Variants in EYS observed in about 807,000 individuals in gnomAD.
The protein encoded by EYS is EGF-like photoreceptor maintenance factor.
EYS carries 250 observed loss-of-function variants against 282.1 expected under a neutral mutation model. The ratio of observed to expected loss-of-function variants is 0.89; its 90% confidence interval spans 0.80 to 0.98. The LOEUF is 0.98. EYS is among the 50% of genes least tolerant of loss of function. The probability of loss-of-function intolerance (pLI) is 0.00; values close to 1 mark genes in which losing one functional copy is unlikely to be tolerated. For synonymous variants in EYS, 1,355 were observed against 1,282.9 expected (o/e 1.06, Z -1.20); for missense variants, 4,016 against 3,709.0 (o/e 1.08, Z -2.15).
intron 33 of EYS, among the ~76,000 whole-genome samples, chr6:64,043,460 C>T (rs1312815341): frequency 2.0e-5 from 3 of 152,254 alleles, no homozygotes; most frequent in African/African-American, 7.2e-5. Flanking sequence ...CTTGATCACT[C>T]TTCAGCCACT....
At chr6:65,219,915 G>A (rs1766416728) in intron 12 of EYS, among the ~76,000 whole-genome samples, 1 of 152,106 alleles carries the variant, frequency 6.6e-6, no homozygotes, top group East Asian at 1.9e-4. Context: ...GGGGAAAACT[G>A]CCCCCATGAT....
At chr6:63,868,491 A>G (rs1772722876) in intron 35 of EYS, among the ~76,000 whole-genome samples, 1 of 152,196 alleles carries the variant, frequency 6.6e-6, no homozygotes, top group South Asian at 2.1e-4. Context: ...CTAACAGATC[A>G]TTAGCCGATT....
intron 30 of EYS, among the ~76,000 whole-genome samples, chr6:64,275,556 A>G (rs976444512): frequency 6.7e-5 from 10 of 149,530 alleles, no homozygotes; most frequent in African/African-American, 2.2e-4. Flanking sequence ...AGTTGGGACT[A>G]TGTGCGCCTG....
At chr6:65,612,780 A>C (rs1478937739) in intron 2 of EYS, among the ~76,000 whole-genome samples, 1 of 151,362 alleles carries the variant, frequency 6.6e-6, no homozygotes, top group Non-Finnish European at 1.5e-5. Flanking sequence ...TTAAAAAAGC[A>C]AGTGATTAAA....
chr6:65,650,607 G>A (rs566390060), intron 1 of EYS, among the ~76,000 whole-genome samples: 5 of 152,202 alleles, frequency 3.3e-5, no homozygotes, highest in East Asian at 1.9e-4. Flanking sequence ...AGGCAAAAAC[G>A]AATGATAAAT....
chr6:65,427,842 G>A (rs1767721983), intron 5 of EYS, among the ~76,000 whole-genome samples: 2 of 151,980 alleles, frequency 1.3e-5, no homozygotes, highest in Admixed American at 1.3e-4. Flanking sequence ...ACATACTAAG[G>A]AGAGAAAGCA....
At chr6:65,181,096 T>C (rs1174035503) in intron 12 of EYS, among the ~76,000 whole-genome samples, 7 of 152,030 alleles carry the variant, frequency 4.6e-5, no homozygotes, top group Admixed American at 1.3e-4. Context: ...CCTGAAACCA[T>C]AAAAACCCTA....
At chr6:65,177,760 T>C (rs1432449041) in intron 12 of EYS, among the ~76,000 whole-genome samples, 2 of 151,910 alleles carry the variant, frequency 1.3e-5, no homozygotes, top group African/African-American at 2.4e-5. Flanking sequence ...TGTCTTTTTT[T>C]GTTAATGATA....
rs531104355 is a variant in EYS at position 65,331,572 on chromosome 6, T to C, written c.1766+3408A>G. On this transcript the variant is annotated intron_variant, in intron 11 of 42. Transcript: ENST00000503581. ...AGAACTCATTAAAGTGTTGATAAAT[T>C]ACAAAAATTTTGTAATTTATCCAAG... The C allele has an allele frequency of 8.2e-6, 8 of 972,856 alleles. No homozygotes were observed. In the Admixed American group the frequency reaches 4.3e-4, roughly 53 times the overall value. The allele number at this position is 972,856 out of a possible 1,614,324, so 60.3% of individuals were successfully genotyped here. A position where few individuals can be genotyped will look rare whatever the true frequency, so the allele number is the denominator to read the frequency against.
rs1554159220 is a variant in EYS at position 64,421,860 on chromosome 6, G to GTGTGT, written c.5927+14313_5927+14314insACACA. ...AGAGAGCGCATTTTTTTGTTTGGGG[G>GTGTGT]GTGTGTGTGTGTGTGTGTGTGTGTG... On this transcript the variant is annotated intron_variant, in intron 28 of 42. Transcript: ENST00000503581. 9.5e-3 allele frequency among the ~76,000 whole-genome samples: 1,318 copies of GTGTGT among 138,332 alleles called. 20 individuals are homozygous for GTGTGT. Among genetic ancestry groups the GTGTGT allele is most frequent in the Middle Eastern group, 0.029 (8 of 272 alleles). 90.8% of individuals were successfully genotyped at this position (138,332 alleles called of 152,430 possible).
At chr6:64,126,912 G>A (rs562295632) in intron 31 of EYS, among the ~76,000 whole-genome samples, 1 of 151,742 alleles carries the variant, frequency 6.6e-6, no homozygotes, top group South Asian at 2.1e-4. Context: ...TCTATTCCAG[G>A]TGCCTAGTCC....
chr6:64,346,230 C>G (rs181881138), intron 29 of EYS, among the ~76,000 whole-genome samples: 4 of 152,152 alleles, frequency 2.6e-5, no homozygotes, highest in Admixed American at 2.6e-4. Flanking sequence ...ATAAATCATG[C>G]TGCTATAAAG....
At chr6:65,607,507 T>C (rs1383754843) in intron 2 of EYS, among the ~76,000 whole-genome samples, 2 of 151,932 alleles carry the variant, frequency 1.3e-5, no homozygotes, top group East Asian at 3.9e-4. Flanking sequence ...TTTATTAAAA[T>C]AGTACTTTTT....
intron 26 of EYS, among the ~76,000 whole-genome samples, chr6:64,501,342 A>C (rs1223639111): frequency 6.6e-6 from 1 of 152,070 alleles, no homozygotes; most frequent in Non-Finnish European, 1.5e-5. Flanking sequence ...AAAAAATAAC[A>C]AATCATTAGG....
chr6:64,152,926 T>C (rs1774790692), intron 31 of EYS, among the ~76,000 whole-genome samples: 1 of 152,048 alleles, frequency 6.6e-6, no homozygotes, highest in African/African-American at 2.4e-5. Flanking sequence ...GCAAAAACAG[T>C]GGTTTAAAAA....
At chr6:65,213,116 G>C (rs1408773650) in intron 12 of EYS, among the ~76,000 whole-genome samples, 1 of 151,910 alleles carries the variant, frequency 6.6e-6, no homozygotes, top group Non-Finnish European at 1.5e-5. Flanking sequence ...AACAAAATTA[G>C]CATATATTTG....
intron 5 of EYS, among the ~76,000 whole-genome samples, chr6:65,463,486 T>C (rs2150411099): frequency 6.6e-6 from 1 of 152,308 alleles, no homozygotes; most frequent in African/African-American, 2.4e-5. Flanking sequence ...TATATTAACA[T>C]AAAATTATTT....
chr6:64,928,064 C>T (rs552249020), intron 15 of EYS, among the ~76,000 whole-genome samples: 23 of 152,034 alleles, frequency 1.5e-4, no homozygotes, highest in Non-Finnish European at 2.8e-4. Context: ...TGCCAAAACT[C>T]CTTAAATTGT....
chr6:63,871,832 T>G (rs1036365402), intron 35 of EYS, among the ~76,000 whole-genome samples: 1 of 152,054 alleles, frequency 6.6e-6, no homozygotes, highest in African/African-American at 2.4e-5. Flanking sequence ...AAGAAGAGGT[T>G]CTCTTCCTAG....
Sources: allele counts gnomAD v4.1 joint callset (sites outside exome capture counted in the v4.1 genomes callset), GRCh38; gene constraint gnomAD v4.1.1; transcripts MANE v1.5; gene names NCBI Gene and HGNC (gene_info 2026-07-23, HGNC 2026-07-21).